CHD8: variants seen among roughly 807,000 people sequenced by gnomAD.
CHD8 encodes the protein ATP-dependent chromatin remodeler CHD8.
A neutral mutation model predicts 279.2 loss-of-function variants in CHD8; 31 were observed. That is an observed-to-expected ratio of 0.11 (90% CI 0.08 to 0.15). The LOEUF (loss-of-function observed/expected upper bound fraction) is 0.15. Ranked by LOEUF, CHD8 falls within the 10% of genes least tolerant of loss-of-function variation. The pLI, the probability that CHD8 is intolerant of heterozygous loss-of-function variation, is 1.00. For synonymous variants in CHD8, 1,081 were observed against 1,139.6 expected, an observed-to-expected ratio of 0.95 and a Z score of 1.04; for missense variants, 2,146 against 3,230.5, an observed-to-expected ratio of 0.66 and a Z score of 8.14.
intron 1 of CHD8, among the ~76,000 whole-genome samples, chr14:21,445,510 C>A (rs1452764850): frequency 4.0e-5 from 6 of 151,528 alleles, no homozygotes; most frequent in African/African-American, 1.5e-4. Context: ...CATGGTGAAA[C>A]CCCATCTCTA....
intron 1 of CHD8, among the ~76,000 whole-genome samples, chr14:21,440,550 G>A (rs1889930534): frequency 6.6e-6 from 1 of 152,148 alleles, no homozygotes; most frequent in African/African-American, 2.4e-5. Flanking sequence ...TACCAGGTGG[G>A]AGGGAAAGGT....
intron 4 of CHD8, chr14:21,427,386 ACGTCC>A (rs1594374775): frequency 9.2e-6 from 3 of 327,640 alleles, no homozygotes; most frequent in African/African-American, 8.5e-5. Flanking sequence ...TTACTCTTGC[ACGTCC>A]CATCACAATA....
intron 1 of CHD8, 125 bp from the exon 2 acceptor site, chr14:21,431,983 A>C: frequency 3.1e-6 from 2 of 651,494 alleles, no homozygotes; most frequent in South Asian, 3.6e-5. Flanking sequence ...ATGTGAGGAA[A>C]TCTGAGGACG....
intron 13 of CHD8, among the ~76,000 whole-genome samples, chr14:21,407,234 T>C (rs902782020): frequency 6.6e-6 from 1 of 152,206 alleles, no homozygotes; most frequent in Non-Finnish European, 1.5e-5. Flanking sequence ...CATATTCAGC[T>C]TCTTGGGAAA....
At position 21,405,255 on chromosome 14, in the gene CHD8, T is replaced by C; in HGVS notation, c.3261A>G (p.Thr1087=). 2 of 1,613,674 alleles carry C rather than the reference T, an allele frequency of 1.2e-6. No individual in the cohort carries two copies. The highest frequency in any genetic ancestry group is 8.5e-7 in the Non-Finnish European group (1 of 1,179,746). The part of the protein sequence containing the change: ...GHTNMPNLLN[T]MMELRKCCNH... ...TGCAGCACTTGCGCAACTCCATCATTGTGTTAAGTAGATTAGGCATGTTGG... is the reference window on the plus strand; with the variant it reads ...TGCAGCACTTGCGCAACTCCATCATCGTGTTAAGTAGATTAGGCATGTTGG... Residue 1087 remains threonine, a synonymous_variant, in exon 16 of 38, where the codon ACA becomes ACG. Coordinates refer to ENST00000646647, the MANE Select transcript of CHD8 (RefSeq NM_001170629.2). The surrounding 1 kb of genome is among the most constrained non-coding windows in gnomAD (Gnocchi z 4.2).
At chr14:21,394,875 A>G in intron 30 of CHD8, 37 bp downstream of exon 30, 1 of 1,601,218 alleles carries the variant, frequency 6.2e-7, no homozygotes. Context: ...CCATAACTGA[A>G]AACACAGATC....
At chr14:21,428,450 A>G (rs1594376316) in intron 3 of CHD8, among the ~76,000 whole-genome samples, 196 bp from the exon 4 acceptor site, 1 of 152,332 alleles carries the variant, frequency 6.6e-6, no homozygotes, top group East Asian at 1.9e-4. Flanking sequence ...AAAACCAAGA[A>G]TTCTGCCAAA....
Position 21,394,456 on chromosome 14 carries a change from T to C in CHD8, c.5420A>G (p.Tyr1807Cys), listed in dbSNP as rs992466357. 2 of 1,607,750 alleles carry C rather than the reference T, an allele frequency of 1.2e-6. No individual in the cohort carries two copies. Among genetic ancestry groups the C allele is most frequent in the Non-Finnish European group, 1.7e-6 (2 of 1,176,798 alleles). Reference sequence around the variant, plus strand: ...CACACCAAACGTAGACACCACTCGATAAAAATCAGTTTGTTCACGCCTTGT... The same window carrying C: ...CACACCAAACGTAGACACCACTCGACAAAAATCAGTTTGTTCACGCCTTGT... ...RWTRREQTDF[Y>C]RVVSTFGVEY... The change falls in exon 31 of 38, where the codon TAT becomes TGT. Residue 1807 changes from tyrosine (Y) to cysteine (C), a missense_variant. Transcript: ENST00000646647.
chr14:21,407,096 A>T (rs1357780079), intron 13 of CHD8, 64 bp from the exon 14 acceptor site: 1 of 1,359,378 alleles, frequency 7.4e-7, no homozygotes, highest in African/African-American at 1.5e-5. Context: ...AGCTTTTCTG[A>T]ATTACTTGCC....
rs963272700 is a variant in CHD8 at position 21,410,271 on chromosome 14, GA to G, written c.2227-284del. Among the ~76,000 whole-genome samples, 46 of 147,182 alleles carry G rather than the reference GA, an allele frequency of 3.1e-4. No homozygotes were observed. The East Asian group carries it at 7.3e-3, about 23-fold the overall frequency. Reference sequence around the variant, plus strand: ...AAACATGCTCGTCAACTAAACAGATGAAAAAAAAAAGACTAATCTTTTCCTA... The same window carrying G: ...AAACATGCTCGTCAACTAAACAGATGAAAAAAAAAGACTAATCTTTTCCTA... On this transcript the variant is annotated intron_variant, in intron 10 of 37. Coordinates refer to ENST00000646647, the MANE Select transcript of CHD8 (RefSeq NM_001170629.2).
intron 37 of CHD8, among the ~76,000 whole-genome samples, 191 bp downstream of exon 37, chr14:21,390,756 G>A (rs2139439821): frequency 8.2e-6 from 1 of 121,420 alleles, no homozygotes; most frequent in Middle Eastern, 4.0e-3. Context: ...ACAGCAGAGT[G>A]AGACTCCGTC....
chr14:21,397,292 G>GC, intron 27 of CHD8: 1 of 515,918 alleles, frequency 1.9e-6, no homozygotes, highest in Non-Finnish European at 3.9e-6. Flanking sequence ...TGTTTCACAT[G>GC]CCCCTCAGAT....
intron 1 of CHD8, among the ~76,000 whole-genome samples, chr14:21,441,283 C>A (rs955556328): frequency 6.6e-6 from 1 of 152,158 alleles, no homozygotes; most frequent in African/African-American, 2.4e-5. Flanking sequence ...TTCTCTAAAC[C>A]AGGTTCTCTA....
At chr14:21,390,749 G>A (rs563470514) in intron 37 of CHD8, among the ~76,000 whole-genome samples, 198 bp downstream of exon 37, 1 of 139,530 alleles carries the variant, frequency 7.2e-6, no homozygotes, top group African/African-American at 2.7e-5. Context: ...CTGCACGACA[G>A]CAGAGTGAGA....
At position 21,388,649 on chromosome 14, in the gene CHD8, G is replaced by A. The variant is rs1381622918; in HGVS notation, c.7182+2298C>T. Among the ~76,000 whole-genome samples, 6 of 152,064 alleles carry A rather than the reference G, an allele frequency of 3.9e-5. No homozygotes were observed. In the East Asian group the frequency reaches 9.7e-4, roughly 25 times the overall value. On this transcript the variant is annotated intron_variant, in intron 37 of 37. Coordinates refer to ENST00000646647, the MANE Select transcript of CHD8 (RefSeq NM_001170629.2). Reference sequence around the variant, plus strand: ...TGATACTAGAGGACTGCACTACCACGCCCAGCTAATTTTTTGTAGAGATAA... The same window carrying A: ...TGATACTAGAGGACTGCACTACCACACCCAGCTAATTTTTTGTAGAGATAA...
rs772000142 is a variant in CHD8, at chr14:21,406,832, C to T, written c.2907+24G>A. The T allele has an allele frequency of 4.4e-6, 7 of 1,589,944 alleles. No homozygotes were observed. In the Admixed American group the frequency reaches 1.3e-4, roughly 29 times the overall value. On this transcript the variant is annotated intron_variant, in intron 14 of 37. Transcript: ENST00000646647. ...TTACGGTTTATTCCAGGTGTTTCTGCTCACAAGTCAGTGTGGAACTCACCA... is the reference window on the plus strand; with the variant it reads ...TTACGGTTTATTCCAGGTGTTTCTGTTCACAAGTCAGTGTGGAACTCACCA...
intron 37 of CHD8, chr14:21,386,472 C>A: frequency 4.9e-6 from 2 of 411,714 alleles, no homozygotes; most frequent in Non-Finnish European, 4.4e-6. Context: ...CTTTAGTCAA[C>A]CATTTCACAA....
Position 21,403,165 on chromosome 14 carries a change from T to A in CHD8, c.3566A>T (p.Gln1189Leu). The A allele has an allele frequency of 6.2e-7, 1 of 1,614,002 alleles. No homozygotes were observed. Among genetic ancestry groups the A allele is most frequent in the Non-Finnish European group, 8.5e-7 (1 of 1,179,878 alleles). The change falls in exon 18 of 38, where the codon CAG (glutamine) becomes CTG (leucine). Residue 1189 changes from glutamine (Q) to leucine (L), a missense_variant. Physicochemically the swap from Gln to Leu is moderately radical, Grantham distance 113. Around this residue, in one of 26 missense-constraint regions of CHD8, gnomAD observed 48 missense variants for 135.7 expected, o/e 0.35. Coordinates refer to ENST00000646647, the MANE Select transcript of CHD8 (RefSeq NM_001170629.2). This position sits in a 1 kb window ranked among gnomAD's most constrained non-coding sequence, Gnocchi z 4.3. ...CTTGCTGAAGCGGTCAATGGCAGCC[T>A]GTCGAAGGTTGCCTCTAACTCGCCC... ...IDGRVRGNLR[Q>L]AAIDRFSKPD...
chr14:21,451,520 C>T (rs764073699), intron 1 of CHD8, among the ~76,000 whole-genome samples: 8 of 136,128 alleles, frequency 5.9e-5, no homozygotes, highest in South Asian at 2.2e-4. Flanking sequence ...TGTGCTGAGC[C>T]GAGATCGCTC....
Sources: allele counts gnomAD v4.1 joint callset (sites outside exome capture counted in the v4.1 genomes callset), GRCh38; gene constraint gnomAD v4.1.1; regional missense constraint gnomAD v4.1.1; non-coding constraint Gnocchi (gnomAD v3.1); transcripts MANE v1.5; gene names NCBI Gene and HGNC (gene_info 2026-07-23, HGNC 2026-07-21).